Variants in MAF observed in about 807,000 individuals in gnomAD.
The protein encoded by MAF is MAF bZIP transcription factor.
In MAF, 10 loss-of-function variants were observed where a neutral mutation model predicts 22.0. The ratio of observed to expected loss-of-function variants is 0.45; its 90% CI spans 0.28 to 0.77. The LOEUF is 0.77. Ranked by LOEUF, MAF falls within the 30% of genes least tolerant of loss-of-function variation. The pLI, the probability that MAF is intolerant of heterozygous loss-of-function variation, is 0.12. For synonymous variants in MAF, 337 were observed against 255.8 expected (o/e 1.32, Z -3.03); for missense variants, 544 against 548.4 (o/e 0.99, Z 0.08).
At chr16:79,240,107 C>A in the MAF span, among the ~76,000 whole-genome samples, 168 of 151,594 alleles carry the variant, frequency 1.1e-3, 2 homozygotes, top group Non-Finnish European at 1.7e-3. Flanking sequence ...GTGATAGAGC[C>A]CAGAATGGCA....
At chr16:79,446,801 C>G in the MAF span, among the ~76,000 whole-genome samples, 3 of 151,800 alleles carry the variant, frequency 2.0e-5, no homozygotes, top group African/African-American at 4.8e-5. Flanking sequence ...CCCAGCTACA[C>G]AGGTTGCGAG....
chr16:79,560,032 G>C, the MAF span, among the ~76,000 whole-genome samples: 5 of 152,300 alleles, frequency 3.3e-5, no homozygotes. Flanking sequence ...AGCCTTCTGA[G>C]TAGCTGGGAC....
the MAF span, among the ~76,000 whole-genome samples, chr16:79,476,697 G>A: frequency 2.0e-5 from 3 of 152,178 alleles, no homozygotes; most frequent in Admixed American, 1.3e-4. Flanking sequence ...CCTATGTTAG[G>A]GGGGAAGGCA....
At chr16:79,374,991 T>A in the MAF span, among the ~76,000 whole-genome samples, 7 of 152,328 alleles carry the variant, frequency 4.6e-5, no homozygotes, top group East Asian at 1.4e-3. Flanking sequence ...CACTTGTGAA[T>A]AGAGTGTTAG....
At chr16:79,271,745 T>C in the MAF span, among the ~76,000 whole-genome samples, 6 of 152,386 alleles carry the variant, frequency 3.9e-5, no homozygotes, top group African/African-American at 1.4e-4. Flanking sequence ...GGGATGTGAC[T>C]TGAGACATCT....
chr16:79,284,023 G>C, the MAF span, among the ~76,000 whole-genome samples: 1 of 149,666 alleles, frequency 6.7e-6, no homozygotes, highest in Non-Finnish European at 1.5e-5. Flanking sequence ...GCAGAACAAG[G>C]GTCCTTTTAG....
chr16:79,566,803 C>T, the MAF span, among the ~76,000 whole-genome samples: 11 of 152,144 alleles, frequency 7.2e-5, no homozygotes, highest in South Asian at 2.1e-4. Flanking sequence ...GACTCTCACC[C>T]GGAGGGAAAA....
chr16:79,494,516 T>C, the MAF span, among the ~76,000 whole-genome samples: 1 of 152,188 alleles, frequency 6.6e-6, no homozygotes, highest in Non-Finnish European at 1.5e-5. Context: ...AAGACTCATG[T>C]GATCCGATTG....
At chr16:79,537,319 T>C in the MAF span, among the ~76,000 whole-genome samples, 2 of 152,230 alleles carry the variant, frequency 1.3e-5, no homozygotes, top group Non-Finnish European at 2.9e-5. Context: ...AGCATCATCA[T>C]CATTAGCCTC....
the MAF span, among the ~76,000 whole-genome samples, chr16:79,559,389 T>A: frequency 6.6e-6 from 1 of 152,196 alleles, no homozygotes. Context: ...TCTAAAGGCA[T>A]GACAACTGGT....
At chr16:79,396,580 T>G in the MAF span, among the ~76,000 whole-genome samples, 1 of 152,232 alleles carries the variant, frequency 6.6e-6, no homozygotes, top group Non-Finnish European at 1.5e-5. Flanking sequence ...CCCAACTTGA[T>G]GGGTATCCCA....
chr16:79,261,343 G>C, the MAF span, among the ~76,000 whole-genome samples: 7 of 102,100 alleles, frequency 6.9e-5, no homozygotes, highest in African/African-American at 1.8e-4. Flanking sequence ...ACTAGAGACC[G>C]GGTTTCACCA....
chr16:79,211,964 G>A, the MAF span: 1 of 1,535,316 alleles, frequency 6.5e-7, no homozygotes, highest in African/African-American at 1.4e-5. Context: ...ATGGGAAGCA[G>A]GGAATTCCTG....
the MAF span, among the ~76,000 whole-genome samples, chr16:79,567,103 AG>A: frequency 6.6e-6 from 1 of 152,216 alleles, no homozygotes; most frequent in Non-Finnish European, 1.5e-5. Flanking sequence ...GCAGATCACA[AG>A]GTCAGGAGTT....
chr16:79,408,078 CAAAAAA>C, the MAF span, among the ~76,000 whole-genome samples: 59 of 81,578 alleles, frequency 7.2e-4, no homozygotes, highest in East Asian at 4.7e-3. Flanking sequence ...TTTTACCTTT[CAAAAAA>C]AAAAAAAAAA....
the MAF span, among the ~76,000 whole-genome samples, chr16:79,259,884 T>G: frequency 6.6e-6 from 1 of 152,158 alleles, no homozygotes; most frequent in Admixed American, 6.5e-5. Flanking sequence ...GGGATGATAA[T>G]GCTCAGAAGG....
the MAF span, among the ~76,000 whole-genome samples, chr16:79,505,074 C>T: frequency 6.6e-6 from 1 of 152,162 alleles, no homozygotes; most frequent in African/African-American, 2.4e-5. Context: ...GCCTTGTCTT[C>T]AGCTACGTTT....
At chr16:79,452,420 G>C in the MAF span, among the ~76,000 whole-genome samples, 5 of 152,136 alleles carry the variant, frequency 3.3e-5, no homozygotes, top group Non-Finnish European at 7.4e-5. Flanking sequence ...CTGATAAACT[G>C]TTAGTAAGGA....
the MAF span, among the ~76,000 whole-genome samples, chr16:79,326,486 A>G: frequency 1.3e-5 from 2 of 152,236 alleles, no homozygotes; most frequent in African/African-American, 2.4e-5. Context: ...TGTTGGATAT[A>G]GCAACATTTT....
Sources: allele counts gnomAD v4.1 joint callset (sites outside exome capture counted in the v4.1 genomes callset), GRCh38; gene constraint gnomAD v4.1.1; transcripts MANE v1.5; gene names NCBI Gene and HGNC (gene_info 2026-07-23, HGNC 2026-07-21).